KCNT1: variants seen among roughly 807,000 people sequenced by gnomAD.
KCNT1 encodes the protein potassium sodium-activated channel subfamily T member 1.
In KCNT1, 78 loss-of-function variants were observed where a neutral mutation model predicts 147.8. The observed-to-expected ratio is 0.53, with a 90% CI of 0.44 to 0.64. The LOEUF (loss-of-function observed/expected upper bound fraction) is 0.64, where lower values mean the gene tolerates loss of function less well. Among genes scored for constraint, KCNT1 ranks in the 30% least tolerant of loss-of-function variants. KCNT1 has a pLI of 0.00. For synonymous variants in KCNT1, 867 were observed against 748.8 expected (o/e 1.16, Z -2.58); for missense variants, 1,419 against 1,750.3 (o/e 0.81, Z 3.38).
intron 21 of KCNT1, among the ~76,000 whole-genome samples, 185 bp from the exon 22 acceptor site, chr9:135,778,239 G>A (rs549215678): frequency 6.6e-6 from 1 of 152,184 alleles, no homozygotes; most frequent in African/African-American, 2.4e-5. Flanking sequence ...CCGGGCCTTG[G>A]TTTCCCCTTG....
intron 13 of KCNT1, among the ~76,000 whole-genome samples, chr9:135,767,918 G>C (rs1179854960): frequency 6.6e-6 from 1 of 151,970 alleles, no homozygotes; most frequent in Non-Finnish European, 1.5e-5. Context: ...GAAGCTGTCA[G>C]CTGGTGTCTC....
intron 17 of KCNT1, 22 bp from the exon 18 acceptor site, chr9:135,770,835 A>G (rs758435307): frequency 6.5e-7 from 1 of 1,549,286 alleles, no homozygotes. Context: ...CGGTACCTGA[A>G]GTTGCCGGTG....
At chr9:135,724,390 CAGG>C (rs1314050543) in intron 2 of KCNT1, among the ~76,000 whole-genome samples, 1 of 152,272 alleles carries the variant, frequency 6.6e-6, no homozygotes, top group Non-Finnish European at 1.5e-5. Context: ...CAGGGAAGCA[CAGG>C]CCAACGGGGG....
In KCNT1 at chr9:135,730,990, T is replaced by TAAAAAAAAA. The variant is rs56307359; in HGVS notation, c.254+16285_254+16293dup. On this transcript the variant is annotated intron_variant, in intron 2 of 30. Coordinates refer to ENST00000371757, the MANE Select transcript of KCNT1 (RefSeq NM_020822.3). This position sits in a 1 kb window ranked among gnomAD's most constrained non-coding sequence, Gnocchi z 4.7. ...AACAAAGTGAGATCCCGTCTCAAGG[T>TAAAAAAAAA]AAAAAAAAAAAAAAAAAAAAAAAGT... Among the ~76,000 whole-genome samples the TAAAAAAAAA allele has an allele frequency of 4.7e-5, 4 of 85,588 alleles. No individual in the cohort carries two copies. The highest frequency in any genetic ancestry group is 9.0e-5 in the Non-Finnish European group (4 of 44,676). 56.1% of individuals were successfully genotyped at this position (85,588 alleles called of 152,430 possible). A position where few individuals can be genotyped will look rare whatever the true frequency, so the allele number is the denominator to read the frequency against.
rs1268081821 is a variant in KCNT1, at chr9:135,792,108, A to G, written c.3655A>G (p.Ser1219Gly). 6.2e-7 allele frequency: 1 copy of G among 1,605,432 alleles called. No individual in the cohort carries two copies. The highest frequency in any genetic ancestry group is 1.7e-4 in the Middle Eastern group (1 of 6,060). ...CTCCCAGAGCCGGAAGAGCAGCTGC[A>G]GCCACAAGCTGTCGTCCTGCAACCC... ...SSSQSRKSSCSHKLSSCNPET... is the reference protein window; with the variant it reads ...SSSQSRKSSCGHKLSSCNPET... Residue 1219 changes from serine (S) to glycine (G), a missense_variant, in exon 31 of 31, where the codon AGC becomes GGC. By Grantham distance (56) the Ser-to-Gly change is moderately conservative. Coordinates refer to ENST00000371757, the MANE Select transcript of KCNT1 (RefSeq NM_020822.3).
intron 2 of KCNT1, among the ~76,000 whole-genome samples, chr9:135,741,481 C>T (rs1421198321): frequency 3.3e-5 from 5 of 152,238 alleles, no homozygotes; most frequent in African/African-American, 9.6e-5. Context: ...GAAGCTGAGC[C>T]GGACAAACAC....
At chr9:135,717,110 G>T (rs1479472575) in intron 2 of KCNT1, among the ~76,000 whole-genome samples, 1 of 150,838 alleles carries the variant, frequency 6.6e-6, no homozygotes, top group Non-Finnish European at 1.5e-5. Flanking sequence ...GGACGGGAGG[G>T]AGGGGACCTG....
At position 135,757,191 on chromosome 9, in the gene KCNT1, C is replaced by G; in HGVS notation, c.636C>G (p.Phe212Leu). ...NIWEQIFRVS[F>L]VLEMINTLPF... ...GGGAGCAGATCTTCCGCGTGTCCTT[C>G]GTCCTGGAGATGATCAACACTCTGC... Residue 212 changes from phenylalanine (F) to leucine (L), a missense_variant, in exon 8 of 31, where the codon TTC becomes TTG. Around this residue, in one of 5 missense-constraint regions of KCNT1, gnomAD observed 401 missense variants for 610.6 expected, o/e 0.66. Transcript: ENST00000371757. 2 of 1,600,866 alleles carry G rather than the reference C, an allele frequency of 1.2e-6. No homozygotes were observed. Among genetic ancestry groups the G allele is most frequent in the Non-Finnish European group, 1.7e-6 (2 of 1,174,254 alleles).
At chr9:135,731,073 G>T (rs905919993) in intron 2 of KCNT1, among the ~76,000 whole-genome samples, 1 of 148,838 alleles carries the variant, frequency 6.7e-6, no homozygotes, top group Non-Finnish European at 1.5e-5. Flanking sequence ...AAGCCCACAC[G>T]CCATGTTTGA....
Position 135,777,365 on chromosome 9 carries a change from G to A in KCNT1, c.2377G>A (p.Ala793Thr), listed in dbSNP as rs1466772062. 3 of 1,613,868 alleles carry A rather than the reference G, an allele frequency of 1.9e-6. No individual in the cohort carries two copies. Among genetic ancestry groups the A allele is most frequent in the Non-Finnish European group, 2.5e-6 (3 of 1,179,930 alleles). Residue 793 changes from alanine (A) to threonine (T), a missense_variant, in exon 21 of 31, where the codon GCC becomes ACC. By Grantham distance (58) the Ala-to-Thr change is moderately conservative. Around this residue, in one of 5 missense-constraint regions of KCNT1, gnomAD observed 247 missense variants for 397.1 expected, o/e 0.62. Coordinates refer to ENST00000371757, the MANE Select transcript of KCNT1 (RefSeq NM_020822.3). ...CTGCAAGCACAACAGCTATGAAGACGCCAAGGCCTACGGGTTCAAGAACAA... is the reference window on the plus strand; with the variant it reads ...CTGCAAGCACAACAGCTATGAAGACACCAAGGCCTACGGGTTCAAGAACAA... ...KGCKHNSYED[A>T]KAYGFKNKLI...
At chr9:135,786,165 C>T in intron 28 of KCNT1, 32 bp from the exon 29 acceptor site, 2 of 1,557,872 alleles carry the variant, frequency 1.3e-6, no homozygotes, top group Non-Finnish European at 1.7e-6. Flanking sequence ...AGCCTCACCC[C>T]TCCCCGCCCT....
intron 6 of KCNT1, 127 bp from the exon 7 acceptor site, chr9:135,756,746 T>C: frequency 1.2e-6 from 1 of 800,258 alleles, no homozygotes; most frequent in Non-Finnish European, 2.2e-6. Flanking sequence ...GACATGGGAG[T>C]GAGGGTCAAG....
intron 20 of KCNT1, among the ~76,000 whole-genome samples, chr9:135,777,080 C>T (rs543728462): frequency 6.6e-6 from 1 of 152,252 alleles, no homozygotes; most frequent in Non-Finnish European, 1.5e-5. Context: ...TAGCCACATG[C>T]CAAAACCACA....
intron 2 of KCNT1, among the ~76,000 whole-genome samples, chr9:135,741,341 C>T (rs375109356): frequency 5.3e-5 from 8 of 152,322 alleles, no homozygotes; most frequent in East Asian, 3.9e-4. Flanking sequence ...GGCCTGGCCA[C>T]GCCGGACCTG....
chr9:135,731,981 TATATATATATAGAG>T (rs1378765027), intron 2 of KCNT1, among the ~76,000 whole-genome samples: 19 of 26,558 alleles, frequency 7.2e-4, no homozygotes, highest in African/African-American at 2.3e-3. Context: ...TATATATATA[TATATATATATAGAG>T]AGAGAGAGAG....
chr9:135,762,511 G>A (rs757634495), intron 11 of KCNT1, among the ~76,000 whole-genome samples: 3 of 152,148 alleles, frequency 2.0e-5, no homozygotes, highest in East Asian at 1.9e-4. Flanking sequence ...ACTTTGGAGG[G>A]CCGAGGTGGG....
chr9:135,769,618 G>A (rs981122782), intron 15 of KCNT1, among the ~76,000 whole-genome samples: 2 of 152,166 alleles, frequency 1.3e-5, no homozygotes, highest in Non-Finnish European at 2.9e-5. Flanking sequence ...GGGAACGGGG[G>A]GCAGGCCCCA....
intron 22 of KCNT1, 95 bp from the exon 23 acceptor site, chr9:135,778,593 G>A: frequency 1.2e-6 from 2 of 1,601,820 alleles, no homozygotes; most frequent in Admixed American, 1.7e-5. Flanking sequence ...TGGGGTGGGG[G>A]GCTGAGGTCC....
chr9:135,714,484 T>TGCGCTGCGCGGGCC lies in KCNT1; in HGVS notation c.111-91_111-78dup. On this transcript the variant is annotated intron_variant, in intron 1 of 30. Transcript: ENST00000371757. The surrounding 1 kb of genome is among the most constrained non-coding windows in gnomAD (Gnocchi z 6.2). The stretch of plus-strand genomic sequence containing the variant: ...CCGGTGGGTCGCGGTGGCCGCGGGC[T>TGCGCTGCGCGGGCC]GCGCTGCGCGGGCCGGGCCTGGCGG... 5 of 872,732 alleles carry TGCGCTGCGCGGGCC rather than the reference T, an allele frequency of 5.7e-6. No homozygotes were observed. The highest frequency in any genetic ancestry group is 6.8e-6 in the Non-Finnish European group (5 of 732,592). 54.1% of individuals were successfully genotyped at this position (872,732 alleles called of 1,614,324 possible).
Sources: allele counts gnomAD v4.1 joint callset (sites outside exome capture counted in the v4.1 genomes callset), GRCh38; gene constraint gnomAD v4.1.1; regional missense constraint gnomAD v4.1.1; non-coding constraint Gnocchi (gnomAD v3.1); transcripts MANE v1.5; gene names NCBI Gene and HGNC (gene_info 2026-07-23, HGNC 2026-07-21).